PARD6G: variants seen among roughly 807,000 people sequenced by gnomAD.
The protein encoded by PARD6G is partitioning defective 6 homolog gamma.
In PARD6G, 7 loss-of-function variants were observed where a neutral mutation model predicts 10.7. The observed-to-expected ratio is 0.66, with a 90% CI of 0.37 to 1.23. The LOEUF (loss-of-function observed/expected upper bound fraction) is 1.23. Ranked by LOEUF, PARD6G falls within the 50% of genes most tolerant of loss-of-function variation. The pLI is 0.02. For missense variants in PARD6G, 548 were observed against 571.8 expected, an observed-to-expected ratio of 0.96 and a Z score of 0.42; for synonymous variants, 287 against 269.4, an observed-to-expected ratio of 1.07 and a Z score of -0.64.
intron 2 of PARD6G, among the ~76,000 whole-genome samples, chr18:80,187,383 G>A (rs1194066095): frequency 1.3e-5 from 2 of 152,200 alleles, no homozygotes; most frequent in Admixed American, 1.3e-4. Context: ...GTGTCCCTCA[G>A]GCTACACACG....
intron 2 of PARD6G, among the ~76,000 whole-genome samples, chr18:80,193,539 T>C (rs1966922373): frequency 6.6e-6 from 1 of 152,204 alleles, no homozygotes; most frequent in Non-Finnish European, 1.5e-5. Context: ...TTTGGGAAGA[T>C]TAAAACATTC....
chr18:80,247,240 C>G lies in PARD6G; in HGVS notation c.72+37G>C, dbSNP rs756306778. On this transcript the variant is annotated intron_variant, in intron 1 of 2. Coordinates refer to ENST00000353265, the MANE Select transcript of PARD6G (RefSeq NM_032510.4). The surrounding 1 kb of genome is among the most constrained non-coding windows in gnomAD (Gnocchi z 4.2). ...GGCGCCCCATTCATTAGCCAGGAGA[C>G]TGGGCGCAGGGCCGCCGGGGCGGGC... is the stretch of plus-strand genomic sequence containing the variant. The G allele has an allele frequency of 5.2e-6, 8 of 1,534,764 alleles. No homozygotes were observed. In the Middle Eastern group the frequency reaches 7.0e-4, roughly 135 times the overall value.
chr18:80,240,500 G>C (rs981957758), intron 1 of PARD6G, among the ~76,000 whole-genome samples: 16 of 152,160 alleles, frequency 1.1e-4, no homozygotes, highest in African/African-American at 3.9e-4. Flanking sequence ...CCAATGCTGA[G>C]CTCTTCCTTA....
rs960540958 is a variant in PARD6G, at chr18:80,201,395, C to T, written c.295+1315G>A. On this transcript the variant is annotated intron_variant, in intron 2 of 2. Transcript: ENST00000353265. The surrounding 1 kb of genome is among the most constrained non-coding windows in gnomAD (Gnocchi z 5.9). ...GCATACAGAGGACCGAGGTGTGGCA[C>T]GCTGGAGGCTGTGCAGAGCCATGCA... 8.5e-5 allele frequency among the ~76,000 whole-genome samples: 13 copies of T among 152,186 alleles called. No individual in the cohort carries two copies. The highest frequency in any genetic ancestry group is 2.7e-4 in the African/African-American group (11 of 41,440).
chr18:80,176,228 G>C (rs986353245), intron 2 of PARD6G, among the ~76,000 whole-genome samples: 2 of 152,164 alleles, frequency 1.3e-5, no homozygotes, highest in Non-Finnish European at 2.9e-5. Flanking sequence ...GTAGGAATTG[G>C]AGCAGATAAC....
chr18:80,191,676 C>G lies in PARD6G; in HGVS notation c.295+11034G>C, dbSNP rs574915299. Among the ~76,000 whole-genome samples the G allele has an allele frequency of 8.5e-5, 13 of 152,292 alleles. No individual in the cohort carries two copies. In the East Asian group the frequency reaches 2.5e-3, roughly 29 times the overall value. On this transcript the variant is annotated intron_variant, in intron 2 of 2. Coordinates refer to ENST00000353265, the MANE Select transcript of PARD6G (RefSeq NM_032510.4). ...AAACCAAGTCTACAAGGGCATATGC[C>G]ACAATTTAAATATATTTGTCAGACA...
intron 1 of PARD6G, among the ~76,000 whole-genome samples, chr18:80,214,228 C>T (rs558720622): frequency 2.0e-5 from 3 of 152,152 alleles, no homozygotes; most frequent in East Asian, 1.9e-4. Flanking sequence ...GAGGCCGAGG[C>T]GAGTGGATCA....
intron 2 of PARD6G, among the ~76,000 whole-genome samples, chr18:80,185,648 A>G (rs963287446): frequency 2.0e-5 from 3 of 150,778 alleles, no homozygotes; most frequent in Non-Finnish European, 4.4e-5. Context: ...ACACACGCAT[A>G]TACCCTCATA....
chr18:80,241,243 A>G (rs1003115141), intron 1 of PARD6G, among the ~76,000 whole-genome samples: 1 of 152,082 alleles, frequency 6.6e-6, no homozygotes, highest in Non-Finnish European at 1.5e-5. Context: ...GAGGGGTGTG[A>G]GCCCTCTTCC....
chr18:80,212,664 T>C (rs1967121131), intron 1 of PARD6G, among the ~76,000 whole-genome samples: 1 of 152,142 alleles, frequency 6.6e-6, no homozygotes, highest in Non-Finnish European at 1.5e-5. Context: ...GGCGGGCGGA[T>C]GATGAGGTCA....
At chr18:80,196,825 C>T (rs764625472) in intron 2 of PARD6G, among the ~76,000 whole-genome samples, 6 of 144,330 alleles carry the variant, frequency 4.2e-5, no homozygotes, top group Non-Finnish European at 7.4e-5. Flanking sequence ...CTAGCGTGAA[C>T]GCGGCTGCAG....
In PARD6G at chr18:80,247,242, G is replaced by A; in HGVS notation, c.72+35C>T. On this transcript the variant is annotated intron_variant, in intron 1 of 2. Coordinates refer to ENST00000353265, the MANE Select transcript of PARD6G (RefSeq NM_032510.4). The surrounding 1 kb of genome is among the most constrained non-coding windows in gnomAD (Gnocchi z 4.2). The stretch of plus-strand genomic sequence containing the variant: ...CGCCCCATTCATTAGCCAGGAGACT[G>A]GGCGCAGGGCCGCCGGGGCGGGCGG... 6.5e-7 allele frequency: 1 copy of A among 1,540,214 alleles called. No homozygotes were observed.
In PARD6G at chr18:80,230,363, G is replaced by A. The variant is rs542268282; in HGVS notation, c.72+16914C>T. ...CAACAGGTCTTAAAGAAATACAGGC[G>A]GTCATCCTAATGAGGAACCTGTTGG... On this transcript the variant is annotated intron_variant, in intron 1 of 2. Transcript: ENST00000353265. Among the ~76,000 whole-genome samples, 5 of 152,292 alleles carry A rather than the reference G, an allele frequency of 3.3e-5. No homozygotes were observed. The East Asian group carries it at 7.7e-4, about 23-fold the overall frequency.
chr18:80,164,220 GGAGT>G (rs2052720087), intron 2 of PARD6G, among the ~76,000 whole-genome samples: 1 of 152,150 alleles, frequency 6.6e-6, no homozygotes, highest in Admixed American at 6.5e-5. Context: ...GACTAAGCAG[GGAGT>G]GAGGACCTGG....
chr18:80,210,898 C>A (rs555078320), intron 1 of PARD6G, among the ~76,000 whole-genome samples: 1 of 151,518 alleles, frequency 6.6e-6, no homozygotes, highest in Admixed American at 6.6e-5. Flanking sequence ...CCCCACCCCC[C>A]ATCCCCAAAC....
rs1251028605 is a variant in PARD6G, at chr18:80,186,524, GCATC to G, written c.295+16182_295+16185del. ...TGCTCGCACACCCTCACACATGCAT[GCATC>G]CTCACACACGCGCACACCCTCACAC... On this transcript the variant is annotated intron_variant, in intron 2 of 2. Coordinates refer to ENST00000353265, the MANE Select transcript of PARD6G (RefSeq NM_032510.4). 2.0e-5 allele frequency among the ~76,000 whole-genome samples: 3 copies of G among 148,280 alleles called. No homozygotes were observed. In the East Asian group the frequency reaches 6.1e-4, roughly 30 times the overall value.
chr18:80,211,778 A>T (rs953817656), intron 1 of PARD6G, among the ~76,000 whole-genome samples: 1 of 152,214 alleles, frequency 6.6e-6, no homozygotes, highest in Non-Finnish European at 1.5e-5. Flanking sequence ...TGAGGACATT[A>T]TGCTGAGTGA....
Position 80,247,392 on chromosome 18 carries a change from G to A in PARD6G, c.-44C>T. 1 of 1,491,870 alleles carries A rather than the reference G, an allele frequency of 6.7e-7. No homozygotes were observed. Among genetic ancestry groups the A allele is most frequent in the Non-Finnish European group, 9.0e-7 (1 of 1,108,034 alleles). 92.4% of individuals were successfully genotyped at this position (1,491,870 alleles called of 1,614,324 possible). On this transcript the variant is annotated 5_prime_UTR_variant, in exon 1 of 3. Coordinates refer to ENST00000353265, the MANE Select transcript of PARD6G (RefSeq NM_032510.4). This position sits in a 1 kb window ranked among gnomAD's most constrained non-coding sequence, Gnocchi z 4.2. The stretch of plus-strand genomic sequence containing the variant: ...CCTCGCCGTCGCCCTCGCTCCTCAG[G>A]GGCCGCAGAAAGACTCCCGGGGGCG...
intron 1 of PARD6G, among the ~76,000 whole-genome samples, chr18:80,211,437 T>C (rs1015897555): frequency 1.3e-5 from 2 of 152,166 alleles, no homozygotes; most frequent in East Asian, 1.9e-4. Context: ...TGTGGAGAAA[T>C]TGGAATCCTT....
Sources: allele counts gnomAD v4.1 joint callset (sites outside exome capture counted in the v4.1 genomes callset), GRCh38; gene constraint gnomAD v4.1.1; non-coding constraint Gnocchi (gnomAD v3.1); transcripts MANE v1.5; gene names NCBI Gene and HGNC (gene_info 2026-07-23, HGNC 2026-07-21).